DNAH11: variants seen among roughly 807,000 people sequenced by gnomAD.
DNAH11 encodes the protein axonemal beta dynein heavy chain 11.
Under a neutral mutation model 526.0 loss-of-function variants are expected in DNAH11, and 442 were observed. The observed-to-expected ratio is 0.84, with a 90% CI of 0.78 to 0.91. DNAH11 has a LOEUF of 0.91. Ranked by LOEUF, DNAH11 falls within the 40% of genes least tolerant of loss-of-function variation. The pLI is 0.00. For missense variants in DNAH11, 6,989 were observed against 5,448.7 expected, an observed-to-expected ratio of 1.28 and a Z score of -8.90; for synonymous variants, 2,461 against 1,935.9, an observed-to-expected ratio of 1.27 and a Z score of -7.12.
chr7:21,787,891 T>A (rs1788262227), intron 60 of DNAH11, among the ~76,000 whole-genome samples: 1 of 152,224 alleles, frequency 6.6e-6, no homozygotes, highest in Admixed American at 6.5e-5. Flanking sequence ...TCATGTTGAC[T>A]TGAAACAACT....
intron 33 of DNAH11, 29 bp downstream of exon 33, chr7:21,687,284 A>AAT (rs1562490471): frequency 6.4e-7 from 1 of 1,556,336 alleles, no homozygotes; most frequent in Non-Finnish European, 8.7e-7. Context: ...AATGTGTAAA[A>AAT]CTTTATTCTC....
At chr7:21,654,299 T>C (rs1211576316) in intron 28 of DNAH11, among the ~76,000 whole-genome samples, 1 of 152,212 alleles carries the variant, frequency 6.6e-6, no homozygotes, top group Non-Finnish European at 1.5e-5. Context: ...GATTTATCTC[T>C]TGTGGATATT....
chr7:21,584,203 A>G (rs1211201196), intron 9 of DNAH11, among the ~76,000 whole-genome samples: 2 of 152,354 alleles, frequency 1.3e-5, no homozygotes, highest in East Asian at 3.9e-4. Flanking sequence ...GATAGACTGG[A>G]TAAAGAAAAT....
chr7:21,839,465 C>G (rs1011812783), intron 65 of DNAH11, among the ~76,000 whole-genome samples: 1 of 151,770 alleles, frequency 6.6e-6, no homozygotes, highest in Non-Finnish European at 1.5e-5. Flanking sequence ...GTCCCAGCTA[C>G]TCAGGAGGCT....
Position 21,616,275 on chromosome 7 carries a change from C to G in DNAH11, c.4078C>G (p.Leu1360Val). ...TCATGTGGAACAGATGGATGTAGAA[C>G]TCAGAAGGTTTGCCAAGGCGAGTTC... Reference protein sequence around the residue: ...QIHVEQMDVELRRFAKEIWSL... With the variant: ...QIHVEQMDVEVRRFAKEIWSL... The change falls in exon 22 of 82, where the codon CTC becomes GTC. Residue 1360 changes from leucine to valine, a missense_variant. Coordinates refer to ENST00000409508, the MANE Select transcript of DNAH11 (RefSeq NM_001277115.2). 1.2e-6 allele frequency: 2 copies of G among 1,612,520 alleles called. No homozygotes were observed. The highest frequency in any genetic ancestry group is 1.1e-5 in the South Asian group (1 of 90,782).
At chr7:21,647,621 C>T (rs1351097349) in intron 28 of DNAH11, among the ~76,000 whole-genome samples, 7 of 151,578 alleles carry the variant, frequency 4.6e-5, no homozygotes, top group East Asian at 1.9e-4. Flanking sequence ...TTAGTAGAGA[C>T]GGGGTTTCAC....
intron 74 of DNAH11, 135 bp downstream of exon 74, chr7:21,873,636 G>C: frequency 1.2e-6 from 1 of 803,484 alleles, no homozygotes; most frequent in Middle Eastern, 3.5e-4. Flanking sequence ...GAAGGGTAGG[G>C]GTGGGCGTGT....
At chr7:21,781,729 C>T (rs78318833) in intron 57 of DNAH11, among the ~76,000 whole-genome samples, 3 of 152,100 alleles carry the variant, frequency 2.0e-5, no homozygotes, top group East Asian at 1.9e-4. Context: ...GCACTGTATC[C>T]ACTTGCTAAG....
rs1788241843 is a variant in DNAH11 at position 21,787,490 on chromosome 7, A to G, written c.9831A>G (p.Lys3277=). 3.1e-6 allele frequency: 5 copies of G among 1,613,890 alleles called. No individual in the cohort carries two copies. Among genetic ancestry groups the G allele is most frequent in the Non-Finnish European group, 4.2e-6 (5 of 1,179,796 alleles). ...CLKVVNEHYL[K]DPEFNPNLIR... is the part of the protein sequence containing the mutation. ...AAGTGGTGAATGAACACTATTTGAA[A>G]GACCCAGAGTTTAATCCAAACCTGA... Residue 3277 remains lysine, a synonymous_variant, in exon 60 of 82, where the codon AAA becomes AAG. Transcript: ENST00000409508.
intron 30 of DNAH11, among the ~76,000 whole-genome samples, chr7:21,664,342 GT>G (rs935387613): frequency 1.3e-5 from 2 of 151,092 alleles, no homozygotes; most frequent in South Asian, 2.1e-4. Context: ...TTTATGTCTG[GT>G]TTTTTTTCTG....
At chr7:21,579,912 G>A (rs1296372941) in intron 8 of DNAH11, among the ~76,000 whole-genome samples, 1 of 152,168 alleles carries the variant, frequency 6.6e-6, no homozygotes, top group East Asian at 1.9e-4. Flanking sequence ...GGGCATCCTG[G>A]AGATGGAGGA....
intron 70 of DNAH11, among the ~76,000 whole-genome samples, chr7:21,865,906 C>G (rs1244171117): frequency 3.3e-5 from 5 of 152,150 alleles, no homozygotes; most frequent in Non-Finnish European, 5.9e-5. Context: ...GGGTAACTTC[C>G]TGACGTTACC....
chr7:21,675,793 AG>A (rs1296195744), intron 30 of DNAH11, among the ~76,000 whole-genome samples: 2 of 152,194 alleles, frequency 1.3e-5, no homozygotes, highest in Non-Finnish European at 2.9e-5. Context: ...TTTAGAGTTT[AG>A]GGTGGAGGAG....
In DNAH11 at chr7:21,704,536, G is replaced by T; in HGVS notation, c.6376G>T (p.Val2126Leu). Residue 2126 changes from valine (V) to leucine (L), a missense_variant, in exon 38 of 82, where the codon GTG (valine) becomes TTG (leucine). Val to Leu is a conservative substitution (Grantham distance 32). Transcript: ENST00000409508. The part of the protein sequence containing the change: ...LVGDLFPALD[V>L]PRRRKLHFEQ... ...CGGTGACCTGTTTCCAGCCCTGGAT[G>T]TGCCCCGGAGGAGGAAGCTGCACTT... 1 of 1,613,870 alleles carries T rather than the reference G, an allele frequency of 6.2e-7. No homozygotes were observed. The highest frequency in any genetic ancestry group is 8.5e-7 in the Non-Finnish European group (1 of 1,179,824).
At chr7:21,620,396 G>A (rs955211873) in intron 25 of DNAH11, among the ~76,000 whole-genome samples, 8 of 151,028 alleles carry the variant, frequency 5.3e-5, no homozygotes, top group African/African-American at 7.3e-5. Flanking sequence ...CCCTCCCCCC[G>A]GCTCTGGTAA....
At chr7:21,592,925 T>A (rs1385346404) in intron 14 of DNAH11, among the ~76,000 whole-genome samples, 3 of 152,156 alleles carry the variant, frequency 2.0e-5, no homozygotes, top group Admixed American at 1.3e-4. Context: ...TAGTTAGAGA[T>A]GCTTGTCCTA....
At chr7:21,697,243 G>A (rs534932292) in intron 35 of DNAH11, among the ~76,000 whole-genome samples, 3 of 151,988 alleles carry the variant, frequency 2.0e-5, no homozygotes, top group East Asian at 1.9e-4. Flanking sequence ...AAACGTTGCT[G>A]TGAATAGCAA....
intron 25 of DNAH11, among the ~76,000 whole-genome samples, chr7:21,635,449 C>A (rs1001702353): frequency 3.3e-5 from 5 of 152,164 alleles, no homozygotes; most frequent in African/African-American, 1.2e-4. Context: ...AGCCACCGTG[C>A]CCGGCCTATT....
At chr7:21,612,533 C>A (rs35758178) in intron 20 of DNAH11, among the ~76,000 whole-genome samples, 18,991 of 133,246 alleles carry the variant, frequency 0.14, 1,351 homozygotes, top group East Asian at 0.2. Flanking sequence ...CCAGCCTGGG[C>A]GACAGAGTGA....
Sources: allele counts gnomAD v4.1 joint callset (sites outside exome capture counted in the v4.1 genomes callset), GRCh38; gene constraint gnomAD v4.1.1; transcripts MANE v1.5; gene names NCBI Gene and HGNC (gene_info 2026-07-23, HGNC 2026-07-21).